Variants in KCNK2 observed in about 807,000 individuals in gnomAD.
KCNK2 encodes the protein potassium two pore domain channel subfamily K member 2, also known as potassium channel subfamily K member 2.
A neutral mutation model predicts 40.5 loss-of-function variants in KCNK2; 21 were observed. The observed-to-expected ratio is 0.52, with a 90% CI of 0.37 to 0.75. The LOEUF is 0.75. Ranked by LOEUF, KCNK2 falls within the 30% of genes least tolerant of loss-of-function variation. The pLI is 0.00. For synonymous variants in KCNK2, 191 were observed against 202.2 expected (o/e 0.94, Z 0.47); for missense variants, 399 against 531.6 (o/e 0.75, Z 2.45).
chr1:215,148,274 C>T (rs1260297148), intron 3 of KCNK2, among the ~76,000 whole-genome samples: 1 of 151,232 alleles, frequency 6.6e-6, no homozygotes, highest in Non-Finnish European at 1.5e-5. Context: ...GGGGTTTCTC[C>T]ACGTTGCCCA....
chr1:215,232,747 C>T (rs542707678), intron 6 of KCNK2, among the ~76,000 whole-genome samples: 5 of 152,194 alleles, frequency 3.3e-5, no homozygotes, highest in South Asian at 2.1e-4. Flanking sequence ...AAAGTGGTGG[C>T]GGGTTCTGTG....
chr1:215,205,477 A>G (rs886134432), intron 6 of KCNK2, among the ~76,000 whole-genome samples: 28 of 152,092 alleles, frequency 1.8e-4, no homozygotes, highest in African/African-American at 6.5e-4. Flanking sequence ...ACCTGACCTC[A>G]GGTGATCCAC....
intron 5 of KCNK2, among the ~76,000 whole-genome samples, chr1:215,191,475 G>A (rs2102660389): frequency 6.6e-6 from 1 of 152,110 alleles, no homozygotes; most frequent in Middle Eastern, 3.4e-3. Flanking sequence ...ATACCAGCCT[G>A]AACTTTCCTG....
intron 5 of KCNK2, among the ~76,000 whole-genome samples, chr1:215,194,671 A>G (rs779505382): frequency 5.3e-5 from 8 of 152,206 alleles, no homozygotes; most frequent in Non-Finnish European, 1.0e-4. Flanking sequence ...ACTGAGATGG[A>G]TTATATAAAT....
intron 6 of KCNK2, among the ~76,000 whole-genome samples, chr1:215,196,753 C>T (rs1558134081): frequency 6.6e-6 from 1 of 151,996 alleles, no homozygotes; most frequent in Non-Finnish European, 1.5e-5. Flanking sequence ...GGTTATTCTT[C>T]ATGTGTACTT....
intron 1 of KCNK2, among the ~76,000 whole-genome samples, chr1:215,016,664 G>A (rs970750393): frequency 6.6e-6 from 1 of 152,042 alleles, no homozygotes; most frequent in Non-Finnish European, 1.5e-5. Flanking sequence ...GACAAAACAT[G>A]GGAAAACTGC....
chr1:215,057,199 A>ATT (rs59891592), intron 1 of KCNK2, among the ~76,000 whole-genome samples: 1 of 142,822 alleles, frequency 7.0e-6, no homozygotes. Flanking sequence ...AGGTACAAGT[A>ATT]TTTTTTTTTT....
intron 6 of KCNK2, among the ~76,000 whole-genome samples, chr1:215,209,990 TATATAATATATATTATATATA>T (rs1665644017): frequency 7.5e-4 from 3 of 4,010 alleles, no homozygotes; most frequent in Non-Finnish European, 5.1e-3. Context: ...TTATATATAA[TATATAATATATATTATATATA>T]ATATATAATA....
chr1:215,123,852 G>T lies in KCNK2; in HGVS notation c.358-781G>T, dbSNP rs563196699. Among the ~76,000 whole-genome samples the T allele has an allele frequency of 2.3e-4, 35 of 152,096 alleles. No individual in the cohort carries two copies. The South Asian group carries it at 2.9e-3, about 13-fold the overall frequency. ...CCTAACATATTGTCTTATCTTTTGT[G>T]CTTCTCCTTCTCCAACCCCCACCTC... On this transcript the variant is annotated intron_variant, in intron 2 of 6. Transcript: ENST00000444842.
At chr1:215,072,716 C>T (rs1658799057) in intron 1 of KCNK2, among the ~76,000 whole-genome samples, 1 of 152,168 alleles carries the variant, frequency 6.6e-6, no homozygotes, top group South Asian at 2.1e-4. Flanking sequence ...AGCATCCTTA[C>T]AATATACCTC....
At position 215,083,377 on chromosome 1, in the gene KCNK2, G is replaced by A. The variant is rs2102526382; in HGVS notation, c.-9G>A. ...TTTTTCAAAAAACATTTTGAATGCT[G>A]CATGCCTCATGCTTCCCAGCGCCTC... On this transcript the variant is annotated 5_prime_UTR_variant, in exon 1 of 7. Coordinates refer to ENST00000444842, the MANE Select transcript of KCNK2 (RefSeq NM_001017425.3). 2 of 1,614,048 alleles carry A rather than the reference G, an allele frequency of 1.2e-6. No individual in the cohort carries two copies. Among genetic ancestry groups the A allele is most frequent in the South Asian group, 2.2e-5 (2 of 91,080 alleles).
At chr1:215,072,824 A>G (rs1316458437) in intron 1 of KCNK2, among the ~76,000 whole-genome samples, 1 of 152,180 alleles carries the variant, frequency 6.6e-6, no homozygotes. Context: ...TCCCTTGTCT[A>G]TTGGAATTTG....
At chr1:215,210,674 A>G (rs1446036237) in intron 6 of KCNK2, among the ~76,000 whole-genome samples, 2 of 152,114 alleles carry the variant, frequency 1.3e-5, no homozygotes, top group Admixed American at 6.6e-5. Flanking sequence ...ATTCTCCCTC[A>G]AGGAGAAATT....
chr1:215,136,017 G>A (rs939455482), intron 3 of KCNK2, among the ~76,000 whole-genome samples: 17 of 152,166 alleles, frequency 1.1e-4, no homozygotes, highest in Non-Finnish European at 2.2e-4. Context: ...ACAGGCGTTA[G>A]CCACCGTGCC....
At chr1:215,135,727 T>TTTTA (rs201048211) in intron 3 of KCNK2, among the ~76,000 whole-genome samples, 9 of 151,834 alleles carry the variant, frequency 5.9e-5, no homozygotes, top group East Asian at 1.9e-4. Flanking sequence ...TTATTTTTTA[T>TTTTA]TTTATTTATT....
At chr1:215,205,912 A>T (rs756590598) in intron 6 of KCNK2, among the ~76,000 whole-genome samples, 1 of 152,218 alleles carries the variant, frequency 6.6e-6, no homozygotes, top group African/African-American at 2.4e-5. Context: ...TTTATGTGCC[A>T]CATTCATATT....
chr1:215,204,432 C>A (rs958917990), intron 6 of KCNK2, among the ~76,000 whole-genome samples: 3 of 151,748 alleles, frequency 2.0e-5, no homozygotes, highest in African/African-American at 7.3e-5. Flanking sequence ...GTTTCTGTCT[C>A]AAAGCTCTTT....
At chr1:215,024,124 G>T (rs541414365) in intron 1 of KCNK2, among the ~76,000 whole-genome samples, 1 of 152,176 alleles carries the variant, frequency 6.6e-6, no homozygotes, top group African/African-American at 2.4e-5. Flanking sequence ...TCCTAAGGCA[G>T]GTATAGGGAT....
intron 3 of KCNK2, among the ~76,000 whole-genome samples, chr1:215,155,926 GTCAA>G (rs1294762507): frequency 6.6e-6 from 1 of 152,072 alleles, no homozygotes; most frequent in Non-Finnish European, 1.5e-5. Context: ...ATATTTGCGT[GTCAA>G]TCAGTCAAGA....
Sources: gnomAD v4.1 joint callset for allele counts (sites outside exome capture counted in the v4.1 genomes callset) on GRCh38, gnomAD v4.1.1 for gene constraint, MANE v1.5 for transcripts, NCBI Gene and HGNC (gene_info 2026-07-23, HGNC 2026-07-21) for gene names.